Variants in BCAS3 observed in about 807,000 individuals in gnomAD.
The protein encoded by BCAS3 is BCAS3 microtubule associated cell migration factor, also known as BCAS4/BCAS3 fusion.
A neutral mutation model predicts 116.1 loss-of-function variants in BCAS3; 53 were observed. The observed-to-expected ratio is 0.46, with a 90% confidence interval of 0.37 to 0.57. The LOEUF is 0.57. Ranked by LOEUF, BCAS3 falls within the 20% of genes least tolerant of loss-of-function variation. BCAS3 has a pLI of 0.00. For missense variants in BCAS3, 917 were observed against 1,165.4 expected, an observed-to-expected ratio of 0.79 and a Z score of 3.10; for synonymous variants, 391 against 408.2, an observed-to-expected ratio of 0.96 and a Z score of 0.51.
chr17:60,841,329 T>A (rs2051882435), intron 7 of BCAS3, among the ~76,000 whole-genome samples: 1 of 151,920 alleles, frequency 6.6e-6, no homozygotes, highest in Non-Finnish European at 1.5e-5. Context: ...TACTGGTATA[T>A]AATGTATTAG....
chr17:61,345,812 G>A (rs1327465327), intron 22 of BCAS3, among the ~76,000 whole-genome samples: 1 of 152,144 alleles, frequency 6.6e-6, no homozygotes, highest in Non-Finnish European at 1.5e-5. Flanking sequence ...TGATAGGGAG[G>A]ACTCCAGGGG....
Position 61,379,172 on chromosome 17 carries a change from CT to C in BCAS3, c.2593+10679del, listed in dbSNP as rs1404881251. 2 of 152,254 alleles carry C rather than the reference CT, an allele frequency of 1.3e-5. No homozygotes were observed. Among genetic ancestry groups the C allele is most frequent in the Non-Finnish European group, 2.9e-5 (2 of 68,070 alleles). The allele number at this position is 152,254 out of a possible 1,614,324, so 9.4% of individuals were successfully genotyped here. On this transcript the variant is annotated intron_variant, in intron 23 of 23. Transcript: ENST00000407086. This position sits in a 1 kb window ranked among gnomAD's most constrained non-coding sequence, Gnocchi z 5.5. The stretch of plus-strand genomic sequence containing the variant: ...GGTTAACAAAAGGGAGGATTTCTCC[CT>C]GTTCCTCCTCCTCTGCCACAGTATT...
chr17:60,926,615 C>T (rs1365052733), intron 13 of BCAS3, among the ~76,000 whole-genome samples: 2 of 152,090 alleles, frequency 1.3e-5, no homozygotes, highest in African/African-American at 4.8e-5. Context: ...AAAAAACAGC[C>T]TGGAAGTTAT....
At chr17:61,059,708 G>C (rs1294401435) in intron 19 of BCAS3, among the ~76,000 whole-genome samples, 1 of 152,030 alleles carries the variant, frequency 6.6e-6, no homozygotes, top group Non-Finnish European at 1.5e-5. Flanking sequence ...CTCTAATATT[G>C]GGCACATTTT....
chr17:61,170,344 G>A (rs2078767181), intron 22 of BCAS3, among the ~76,000 whole-genome samples: 2 of 151,978 alleles, frequency 1.3e-5, no homozygotes, highest in African/African-American at 4.8e-5. Flanking sequence ...CCAGGCTGGA[G>A]TGCAGTGGTG....
rs2056045035 is a variant in BCAS3, at chr17:60,880,703, T to C, written c.661+5965T>C. On this transcript the variant is annotated intron_variant, in intron 9 of 23. Transcript: ENST00000407086. ...GTGCACAAGTTTTTCAGTGGACATATGTTCTCTTGGGTATGAACATTTAGC... is the reference window on the plus strand; with the variant it reads ...GTGCACAAGTTTTTCAGTGGACATACGTTCTCTTGGGTATGAACATTTAGC... Among the ~76,000 whole-genome samples, 2 of 152,254 alleles carry C rather than the reference T, an allele frequency of 1.3e-5. 1 individual carries two copies. Among genetic ancestry groups the C allele is most frequent in the African/African-American group, 4.8e-5 (2 of 41,472 alleles).
At chr17:61,320,187 G>A (rs921447405) in intron 22 of BCAS3, among the ~76,000 whole-genome samples, 6 of 151,762 alleles carry the variant, frequency 4.0e-5, no homozygotes, top group African/African-American at 1.2e-4. Flanking sequence ...ACGGCACCTG[G>A]CCAGAATAGT....
chr17:61,244,129 C>CT lies in BCAS3; in HGVS notation c.2426-124191dup, dbSNP rs909860160. Among the ~76,000 whole-genome samples, 3 of 151,988 alleles carry CT rather than the reference C, an allele frequency of 2.0e-5. No homozygotes were observed. The highest frequency in any genetic ancestry group is 2.9e-5 in the Non-Finnish European group (2 of 67,994). Reference sequence around the variant, plus strand: ...GTCAAATTAAAGCATTTTTAAACCTCTTTTTTTAACTCAAGTAATACATAT... The same window carrying CT: ...GTCAAATTAAAGCATTTTTAAACCTCTTTTTTTTAACTCAAGTAATACATAT... On this transcript the variant is annotated intron_variant, in intron 22 of 23. Coordinates refer to ENST00000407086, the MANE Select transcript of BCAS3 (RefSeq NM_017679.5). This position sits in a 1 kb window ranked among gnomAD's most constrained non-coding sequence, Gnocchi z 4.9.
chr17:60,973,644 G>A (rs1009921256), intron 14 of BCAS3, among the ~76,000 whole-genome samples: 1 of 149,446 alleles, frequency 6.7e-6, no homozygotes, highest in Non-Finnish European at 1.5e-5. Context: ...CCAGGCTGGA[G>A]GTCAGTGGTG....
intron 6 of BCAS3, among the ~76,000 whole-genome samples, chr17:60,749,541 T>G (rs1198404248): frequency 1.3e-5 from 2 of 152,228 alleles, no homozygotes; most frequent in African/African-American, 4.8e-5. Context: ...TTGTTCACTC[T>G]TTCTATAACT....
rs1337407828 is a variant in BCAS3 at position 61,380,663 on chromosome 17, C to T, written c.2594-11314C>T. ...GGGTGCCCTCCTACCCCCTCGTGCC[C>T]AGGCCCAGGAGCACTCTAGGGAGGG... On this transcript the variant is annotated intron_variant, in intron 23 of 23. Coordinates refer to ENST00000407086, the MANE Select transcript of BCAS3 (RefSeq NM_017679.5). The surrounding 1 kb of genome is among the most constrained non-coding windows in gnomAD (Gnocchi z 4.2). 69 of 1,241,938 alleles carry T rather than the reference C, an allele frequency of 5.6e-5. No individual in the cohort carries two copies. Among genetic ancestry groups the T allele is most frequent in the Non-Finnish European group, 7.8e-5 (68 of 872,248 alleles). 76.9% of individuals were successfully genotyped at this position (1,241,938 alleles called of 1,614,324 possible). A position where few individuals can be genotyped will look rare whatever the true frequency, so the allele number is the denominator to read the frequency against.
chr17:60,910,607 G>C lies in BCAS3; in HGVS notation c.898G>C (p.Glu300Gln), dbSNP rs747561473. The C allele has an allele frequency of 6.2e-7, 1 of 1,613,610 alleles. No individual in the cohort carries two copies. The highest frequency in any genetic ancestry group is 1.7e-5 in the Admixed American group (1 of 59,922). The change falls in exon 12 of 24, where the codon GAA becomes CAA. Residue 300 changes from glutamate to glutamine, a missense_variant. Glu to Gln is a conservative substitution (Grantham distance 29, BLOSUM62 2). Transcript: ENST00000407086. ...LTGTLPSGVTEDDVAIHSNSR... is the reference protein window; with the variant it reads ...LTGTLPSGVTQDDVAIHSNSR... Reference sequence around the variant, plus strand: ...AGGCACACTGCCTTCAGGTGTGACAGAAGATGATGTTGCCATCCACAGTAA... The same window carrying C: ...AGGCACACTGCCTTCAGGTGTGACACAAGATGATGTTGCCATCCACAGTAA...
rs2076184642 is a variant in BCAS3 at position 61,128,891 on chromosome 17, A to T, written c.2425+44327A>T. Among the ~76,000 whole-genome samples, 1 of 152,222 alleles carries T rather than the reference A, an allele frequency of 6.6e-6. No individual in the cohort carries two copies. The highest frequency in any genetic ancestry group is 1.5e-5 in the Non-Finnish European group (1 of 68,032). On this transcript the variant is annotated intron_variant, in intron 22 of 23. Transcript: ENST00000407086. This position sits in a 1 kb window ranked among gnomAD's most constrained non-coding sequence, Gnocchi z 4.1. ...ATCAGTTCCCCAAAATTTGGTAACC[A>T]TTAAATTACTTCCTAAGTCACTTCC...
chr17:61,359,656 A>G (rs2058348004), intron 22 of BCAS3, among the ~76,000 whole-genome samples: 1 of 152,050 alleles, frequency 6.6e-6, no homozygotes, highest in Non-Finnish European at 1.5e-5. Context: ...ATGCCCAGCT[A>G]ATTTTTGTAT....
rs1447681145 is a variant in BCAS3 at position 61,343,392 on chromosome 17, A to G, written c.2426-24935A>G. Among the ~76,000 whole-genome samples the G allele has an allele frequency of 6.6e-6, 1 of 152,240 alleles. No individual in the cohort carries two copies. Reference sequence around the variant, plus strand: ...AATGGTCAGGCAGACACACCGACCCAGGCAGGAGCAGCGATCTGGCCATGG... The same window carrying G: ...AATGGTCAGGCAGACACACCGACCCGGGCAGGAGCAGCGATCTGGCCATGG... On this transcript the variant is annotated intron_variant, in intron 22 of 23. Coordinates refer to ENST00000407086, the MANE Select transcript of BCAS3 (RefSeq NM_017679.5). This position sits in a 1 kb window ranked among gnomAD's most constrained non-coding sequence, Gnocchi z 5.5.
At chr17:61,102,950 T>C (rs1302580338) in intron 22 of BCAS3, among the ~76,000 whole-genome samples, 3 of 152,140 alleles carry the variant, frequency 2.0e-5, no homozygotes, top group Non-Finnish European at 4.4e-5. Context: ...CCTAAGAAGA[T>C]AGGTTATACT....
rs2074053434 is a variant in BCAS3 at position 61,097,459 on chromosome 17, G to A, written c.2425+12895G>A. 6.6e-6 allele frequency among the ~76,000 whole-genome samples: 1 copy of A among 152,098 alleles called. No homozygotes were observed. Among genetic ancestry groups the A allele is most frequent in the African/African-American group, 2.4e-5 (1 of 41,438 alleles). On this transcript the variant is annotated intron_variant, in intron 22 of 23. Transcript: ENST00000407086. This position sits in a 1 kb window ranked among gnomAD's most constrained non-coding sequence, Gnocchi z 4.0. ...TCCCAAAGTGCTGGGATTAGCCACT[G>A]TGACCAGCCTCTTTATTTCTTAGGT...
At position 61,380,552 on chromosome 17, in the gene BCAS3, C is replaced by A. The variant is rs374570285; in HGVS notation, c.2594-11425C>A. On this transcript the variant is annotated intron_variant, in intron 23 of 23. Transcript: ENST00000407086. The surrounding 1 kb of genome is among the most constrained non-coding windows in gnomAD (Gnocchi z 4.2). Reference sequence around the variant, plus strand: ...TAAAAACCTTCCCCCCTGAGAGACACGTGGCAGTGAAGTGTTTTGGTATGT... The same window carrying A: ...TAAAAACCTTCCCCCCTGAGAGACAAGTGGCAGTGAAGTGTTTTGGTATGT... 3.1e-6 allele frequency: 5 copies of A among 1,598,034 alleles called. No individual in the cohort carries two copies. The Admixed American group carries it at 6.7e-5, about 21-fold the overall frequency.
chr17:60,900,068 G>T, intron 10 of BCAS3: 1 of 152,490 alleles, frequency 6.6e-6, no homozygotes, highest in East Asian at 1.9e-4. Context: ...GCCTAAGGAG[G>T]GGTGAACCAG....
Sources: allele counts gnomAD v4.1 joint callset (sites outside exome capture counted in the v4.1 genomes callset), GRCh38; gene constraint gnomAD v4.1.1; non-coding constraint Gnocchi (gnomAD v3.1); transcripts MANE v1.5; gene names NCBI Gene and HGNC (gene_info 2026-07-23, HGNC 2026-07-21).